Variants in NEBL observed in about 807,000 individuals in gnomAD.
The protein encoded by NEBL is nebulette, also known as LIM and SH3 protein 2.
In NEBL, 122 loss-of-function variants were observed where a neutral mutation model predicts 140.2. That is an observed-to-expected ratio of 0.87 (90% CI 0.75 to 1.01). NEBL has a LOEUF of 1.01. NEBL is among the 50% of genes least tolerant of loss of function. The probability of loss-of-function intolerance (pLI) is 0.00; values close to 1 mark genes in which losing one functional copy is unlikely to be tolerated. For missense variants in NEBL, 1,365 were observed against 1,231.3 expected, an observed-to-expected ratio of 1.11 and a Z score of -1.62; for synonymous variants, 436 against 398.9, an observed-to-expected ratio of 1.09 and a Z score of -1.11.
At chr10:21,231,222 G>C (rs1319298598) in intron 3 of NEBL, among the ~76,000 whole-genome samples, 1 of 152,214 alleles carries the variant, frequency 6.6e-6, no homozygotes, top group Non-Finnish European at 1.5e-5. Context: ...TCCAGTGGAG[G>C]AGACAAGCAA....
intron 4 of NEBL, among the ~76,000 whole-genome samples, chr10:20,912,727 C>T (rs745825864): frequency 7.2e-5 from 11 of 152,140 alleles, no homozygotes; most frequent in South Asian, 2.1e-4. Flanking sequence ...CTGGTTAAAA[C>T]GTTGTGACTT....
chr10:21,023,232 A>G (rs1013244587), intron 2 of NEBL, among the ~76,000 whole-genome samples: 1 of 152,166 alleles, frequency 6.6e-6, no homozygotes, highest in Non-Finnish European at 1.5e-5. Flanking sequence ...TAATTTGAAA[A>G]TTTTACATAT....
At chr10:20,981,587 G>C (rs766759817) in intron 3 of NEBL, among the ~76,000 whole-genome samples, 8 of 145,632 alleles carry the variant, frequency 5.5e-5, no homozygotes, top group Non-Finnish European at 1.0e-4. Flanking sequence ...CCCAAGGCTG[G>C]ATAACATGAC....
At chr10:20,900,928 AG>A (rs1847844748), upstream of NEBL, among the ~76,000 whole-genome samples, 1 of 150,394 alleles carries the variant, frequency 6.6e-6, no homozygotes, top group Non-Finnish European at 1.5e-5. Context: ...CCGAGGCAGG[AG>A]AATCACTTGA....
At chr10:20,826,645 T>G in intron 17 of NEBL, 106 bp from the exon 18 acceptor site, 2 of 817,606 alleles carry the variant, frequency 2.4e-6, no homozygotes, top group Non-Finnish European at 4.1e-6. Flanking sequence ...ATATGAATAC[T>G]GCATCTATTT....
At chr10:21,176,227 TC>T (rs755047643), upstream of NEBL, among the ~76,000 whole-genome samples, 3 of 152,100 alleles carry the variant, frequency 2.0e-5, no homozygotes, top group Non-Finnish European at 4.4e-5. Context: ...GGTCTCAAAC[TC>T]CTGGGCTCAA....
At chr10:21,138,997 A>G (rs1439697502) in intron 2 of NEBL, among the ~76,000 whole-genome samples, 3 of 152,188 alleles carry the variant, frequency 2.0e-5, no homozygotes, top group Middle Eastern at 3.2e-3. Context: ...CTTATACGTG[A>G]TCTATTCCTA....
At chr10:21,054,587 G>A (rs533150530) in intron 2 of NEBL, among the ~76,000 whole-genome samples, 95 of 152,186 alleles carry the variant, frequency 6.2e-4, no homozygotes, top group Non-Finnish European at 1.2e-3. Flanking sequence ...GTTTTTCTAA[G>A]CCATTTTCAA....
chr10:20,976,057 G>A (rs1001004667), intron 3 of NEBL, among the ~76,000 whole-genome samples: 1 of 152,220 alleles, frequency 6.6e-6, no homozygotes, highest in East Asian at 1.9e-4. Flanking sequence ...GATTTCAGCT[G>A]GGTATGGTGG....
At chr10:21,115,501 T>A (rs1838241909) in intron 2 of NEBL, among the ~76,000 whole-genome samples, 1 of 151,426 alleles carries the variant, frequency 6.6e-6, no homozygotes, top group African/African-American at 2.4e-5. Context: ...TATTCTTTAA[T>A]TTTTTTTTCA....
At position 20,995,920 on chromosome 10, in the gene NEBL, C is replaced by T. The variant is rs1053940805; in HGVS notation, c.249+24197G>A. On this transcript the variant is annotated intron_variant, in intron 3 of 6. Coordinates refer to the NEBL transcript ENST00000417816. Reference sequence around the variant, plus strand: ...TGTGGGACTAATTCTTTTTCCTTTACAGTTTATTATGAAAAAAAAAATCTG... The same window carrying T: ...TGTGGGACTAATTCTTTTTCCTTTATAGTTTATTATGAAAAAAAAAATCTG... Among the ~76,000 whole-genome samples, 4 of 148,898 alleles carry T rather than the reference C, an allele frequency of 2.7e-5. No individual in the cohort carries two copies. The South Asian group carries it at 8.4e-4, about 31-fold the overall frequency.
At chr10:21,269,112 A>G (rs998623969) in intron 1 of NEBL, among the ~76,000 whole-genome samples, 2 of 152,196 alleles carry the variant, frequency 1.3e-5, no homozygotes. Flanking sequence ...GCTGGGCACA[A>G]CAGAGCAATG....
chr10:21,236,587 G>C (rs1842354104), intron 3 of NEBL, among the ~76,000 whole-genome samples: 1 of 152,104 alleles, frequency 6.6e-6, no homozygotes, highest in Non-Finnish European at 1.5e-5. Flanking sequence ...GACCTCAGGT[G>C]ATCTGCCCGC....
chr10:21,072,436 C>T (rs1260560458), intron 2 of NEBL, among the ~76,000 whole-genome samples: 2 of 152,204 alleles, frequency 1.3e-5, no homozygotes, highest in African/African-American at 4.8e-5. Context: ...GTTGGGTCCC[C>T]TATTCAGCCA....
chr10:21,193,373 C>T (rs530502617), intron 3 of NEBL, among the ~76,000 whole-genome samples: 2 of 152,222 alleles, frequency 1.3e-5, no homozygotes, highest in South Asian at 2.1e-4. Flanking sequence ...CTGAAATGGT[C>T]GGAAACCAGC....
rs1450523705 is a variant in NEBL, at chr10:21,235,762, T to G, written n.348+12159A>C. Among the ~76,000 whole-genome samples, 3 of 152,206 alleles carry G rather than the reference T, an allele frequency of 2.0e-5. No individual in the cohort carries two copies. The East Asian group carries it at 5.8e-4, about 29-fold the overall frequency. On this transcript the variant is annotated intron_variant and non_coding_transcript_variant, in intron 3 of 8. Transcript: ENST00000675702. ...ACATTCTTATAGATTTCTGCCTGTT[T>G]TAAAAAATATATTTGATTTTCAACT...
intron 2 of NEBL, among the ~76,000 whole-genome samples, chr10:21,071,213 AT>A (rs1835804460): frequency 6.7e-6 from 1 of 149,108 alleles, no homozygotes; most frequent in African/African-American, 2.4e-5. Context: ...TATTATTATA[AT>A]TTTTAAATAA....
chr10:21,213,302 A>G (rs1841944525), intron 3 of NEBL, among the ~76,000 whole-genome samples: 2 of 152,220 alleles, frequency 1.3e-5, no homozygotes, highest in South Asian at 4.1e-4. Flanking sequence ...TTAAAAAATC[A>G]GAATGTAGAG....
chr10:20,902,081 G>T (rs927268555), upstream of NEBL, among the ~76,000 whole-genome samples: 1 of 152,034 alleles, frequency 6.6e-6, no homozygotes, highest in African/African-American at 2.4e-5. Flanking sequence ...ACCTAAACAT[G>T]TGTCACCATG....
Sources: gnomAD v4.1 joint callset for allele counts (sites outside exome capture counted in the v4.1 genomes callset) on GRCh38, gnomAD v4.1.1 for gene constraint, MANE v1.5 for transcripts, NCBI Gene and HGNC (gene_info 2026-07-23, HGNC 2026-07-21) for gene names.